The following PLPP5 variants were observed in gnomAD, a reference collection of about 807,000 sequenced individuals.
The protein encoded by PLPP5 is phospholipid phosphatase 5.
In PLPP5, 29 loss-of-function variants were observed where a neutral mutation model predicts 23.6. The observed-to-expected ratio is 1.23, with a 90% confidence interval of 0.92 to 1.68. The LOEUF (loss-of-function observed/expected upper bound fraction) is 1.68. Among genes scored for constraint, PLPP5 ranks in the 40% most tolerant of loss-of-function variants. PLPP5 has a pLI of 0.00. For synonymous variants in PLPP5, 143 were observed against 131.3 expected (o/e 1.09, Z -0.61); for missense variants, 315 against 332.1 (o/e 0.95, Z 0.40).
Position 38,266,267 on chromosome 8 carries a change from TC to T in PLPP5, c.507del (p.Lys170SerfsTer28), listed in dbSNP as rs1807568773. On this transcript the variant is annotated frameshift_variant, in exon 6 of 7. Coordinates refer to ENST00000424479, the MANE Select transcript of PLPP5 (RefSeq NM_001102559.2). LOFTEE classifies it high-confidence loss of function. Reference protein sequence around the residue: ...GLAFASFYLAGKLHCFTPQGR... With the variant: ...GLAFASFYLAXKLHCFTPQGR... ...CCTTGTGGTGTGAAGCAGTGTAACT[TC>T]CCTGCCAGGTAGAAGGACGCAAAGG... The T allele has an allele frequency of 1.2e-6, 2 of 1,613,590 alleles. No homozygotes were observed. The highest frequency in any genetic ancestry group is 2.2e-5 in the South Asian group (2 of 90,996).
At chr8:38,268,841 G>T (rs1149) in intron 2 of PLPP5, 41 bp downstream of exon 2, 3 of 1,493,194 alleles carry the variant, frequency 2.0e-6, no homozygotes, top group African/African-American at 1.4e-5. Context: ...GCGGGAAGCC[G>T]GGTCATGGGG....
Position 38,263,844 on chromosome 8 carries a change from A to G in PLPP5, c.*600T>C. 1 of 985,290 alleles carries G rather than the reference A, an allele frequency of 1.0e-6. No individual in the cohort carries two copies. The allele number at this position is 985,290 out of a possible 1,614,324, so 61.0% of individuals were successfully genotyped here. ...GTGACAAGATCCTTCTAAGAATGGC[A>G]TTTAAATTAAATGTAAAAACACTGT... On this transcript the variant is annotated 3_prime_UTR_variant, in exon 7 of 7. Transcript: ENST00000424479.
chr8:38,263,438 C>T lies in PLPP5; in HGVS notation c.*1006G>A. 2.0e-6 allele frequency: 2 copies of T among 985,386 alleles called. No homozygotes were observed. Among genetic ancestry groups the T allele is most frequent in the Non-Finnish European group, 2.4e-6 (2 of 829,878 alleles). 61.0% of individuals were successfully genotyped at this position (985,386 alleles called of 1,614,324 possible). A position where few individuals can be genotyped will look rare whatever the true frequency, so the allele number is the denominator to read the frequency against. On this transcript the variant is annotated 3_prime_UTR_variant, in exon 7 of 7. Transcript: ENST00000424479. Reference sequence around the variant, plus strand: ...TCATGAATGGAAGGAAAGAAGCTCACAAGTACAGTTATGGTCAAATGAGGT... The same window carrying T: ...TCATGAATGGAAGGAAAGAAGCTCATAAGTACAGTTATGGTCAAATGAGGT...
chr8:38,268,578 T>G, intron 2 of PLPP5, 117 bp from the exon 3 acceptor site: 2 of 1,464,122 alleles, frequency 1.4e-6, no homozygotes, highest in South Asian at 2.7e-5. Flanking sequence ...GGTCTCTGAG[T>G]GCGCGTAACC....
At position 38,267,970 on chromosome 8, in the gene PLPP5, AAAGCCAT is replaced by A; in HGVS notation, c.275-17_275-11del. 6.2e-6 allele frequency: 10 copies of A among 1,614,026 alleles called. No homozygotes were observed. Among genetic ancestry groups the A allele is most frequent in the Non-Finnish European group, 8.5e-6 (10 of 1,179,894 alleles). The stretch of plus-strand genomic sequence containing the variant: ...AGGGCAAGGCTGGCAGCTGCAAAGC[AAAGCCAT>A]TAGTTGAAAGGATCTGTCTAGGAGG... On this transcript the variant is annotated splice_polypyrimidine_tract_variant and intron_variant, in intron 3 of 6. Transcript: ENST00000424479.
chr8:38,264,300 CCTGGCTAATTTTTGT>C lies in PLPP5; in HGVS notation c.*129_*143del. ...GTAGCTGGGATTACGGCACACAACT[CCTGGCTAATTTTTGT>C]ATTTTTAGTAGAGACAGGGTTCACC... On this transcript the variant is annotated 3_prime_UTR_variant, in exon 7 of 7. Transcript: ENST00000424479. The C allele has an allele frequency of 1.3e-6, 1 of 775,670 alleles. No homozygotes were observed. The highest frequency in any genetic ancestry group is 2.8e-5 in the South Asian group (1 of 35,996). The allele number at this position is 775,670 out of a possible 1,614,324, so 48.0% of individuals were successfully genotyped here.
At chr8:38,269,049 T>G in intron 1 of PLPP5, 59 bp from the exon 2 acceptor site, 1 of 1,526,932 alleles carries the variant, frequency 6.5e-7, no homozygotes, top group Non-Finnish European at 8.8e-7. Flanking sequence ...GCTTCCCCAC[T>G]GCCCGACCCG....
At position 38,263,973 on chromosome 8, in the gene PLPP5, G is replaced by A. The variant is rs1311171250; in HGVS notation, c.*471C>T. On this transcript the variant is annotated 3_prime_UTR_variant, in exon 7 of 7. Coordinates refer to ENST00000424479, the MANE Select transcript of PLPP5 (RefSeq NM_001102559.2). Reference sequence around the variant, plus strand: ...TGGCATACAGTAGTGGAAAAGAACCGTAACTCCTCAAGATAGATGAGCAGG... The same window carrying A: ...TGGCATACAGTAGTGGAAAAGAACCATAACTCCTCAAGATAGATGAGCAGG... 10 of 985,480 alleles carry A rather than the reference G, an allele frequency of 1.0e-5. No homozygotes were observed. Among genetic ancestry groups the A allele is most frequent in the African/African-American group, 3.5e-5 (2 of 57,208 alleles). The allele number at this position is 985,480 out of a possible 1,614,324, so 61.0% of individuals were successfully genotyped here.
chr8:38,265,264 C>CAAAAAA (rs1228103198), intron 6 of PLPP5, among the ~76,000 whole-genome samples: 1 of 71,008 alleles, frequency 1.4e-5, no homozygotes, highest in Admixed American at 1.5e-4. Flanking sequence ...GACTCTGTCT[C>CAAAAAA]AAAAAAAAAA....
In PLPP5 at chr8:38,268,368, C is replaced by G. The variant is rs1427358879; in HGVS notation, c.274+3G>C. 1.3e-6 allele frequency: 2 copies of G among 1,564,002 alleles called. No homozygotes were observed. The highest frequency in any genetic ancestry group is 3.8e-5 in the Admixed American group (2 of 52,390). On this transcript the variant is annotated splice_donor_region_variant and intron_variant, in intron 3 of 6. Coordinates refer to ENST00000424479, the MANE Select transcript of PLPP5 (RefSeq NM_001102559.2). ...AAACCGGCCCGAAAGGGCTAGCGCT[C>G]ACCCAGGCAGGCTTGTCTGCTGTCT...
rs1488314230 is a variant in PLPP5 at position 38,263,324 on chromosome 8, T to TTCA, written c.*1117_*1119dup. 1 of 921,994 alleles carries TTCA rather than the reference T, an allele frequency of 1.1e-6. No individual in the cohort carries two copies. The highest frequency in any genetic ancestry group is 1.3e-6 in the Non-Finnish European group (1 of 772,126). 57.1% of individuals were successfully genotyped at this position (921,994 alleles called of 1,614,324 possible). ...ATTGTGAAGAAGGGGCAGAAAAAGA[T>TTCA]TCATCTGTCCTTCAGATGACGATAC... On this transcript the variant is annotated 3_prime_UTR_variant, in exon 7 of 7. Coordinates refer to ENST00000424479, the MANE Select transcript of PLPP5 (RefSeq NM_001102559.2).
intron 4 of PLPP5, 41 bp from the exon 5 acceptor site, chr8:38,267,432 C>A (rs1359822492): frequency 6.2e-7 from 1 of 1,600,108 alleles, no homozygotes; most frequent in Admixed American, 1.7e-5. Context: ...ATCATTAACT[C>A]CAGAAATTAT....
chr8:38,269,145 C>T lies in PLPP5; in HGVS notation c.55G>A (p.Ala19Thr). The T allele has an allele frequency of 2.0e-6, 3 of 1,517,092 alleles. No homozygotes were observed. The highest frequency in any genetic ancestry group is 1.8e-6 in the Non-Finnish European group (2 of 1,139,628). The allele number at this position is 1,517,092 out of a possible 1,614,324, so 94.0% of individuals were successfully genotyped here. The change falls in exon 1 of 7, where the codon GCG (alanine) becomes ACG (threonine). Residue 19 changes from alanine (A) to threonine (T), a missense_variant. Transcript: ENST00000424479. Reference sequence around the variant, plus strand: ...TCTTACAGGAAGGCCGCGAACAGCGCGAGCCGCACGCCCACTTCGGCCCCA... The same window carrying T: ...TCTTACAGGAAGGCCGCGAACAGCGTGAGCCGCACGCCCACTTCGGCCCCA... ...AFGAEVGVRL[A>T]LFAAFLVTEL... is the part of the protein sequence containing the mutation.
At position 38,268,461 on chromosome 8, in the gene PLPP5, C is replaced by T. The variant is rs758719287; in HGVS notation, c.184G>A (p.Val62Ile). ...GACAGTGGAGAGAGAAATGCAATAACCTGAATCAGAATGTCAGAGGTTAAA... is the reference window on the plus strand; with the variant it reads ...GACAGTGGAGAGAGAAATGCAATAATCTGAATCAGAATGTCAGAGGTTAAA... Reference protein sequence around the residue: ...AEYFPTKPMFVIAFLSPLSLI... With the variant: ...AEYFPTKPMFIIAFLSPLSLI... Residue 62 changes from valine to isoleucine, a missense_variant and splice_region_variant, in exon 3 of 7, where the codon GTT (valine) becomes ATT (isoleucine). By Grantham distance (29) the Val-to-Ile change is conservative (BLOSUM62 3). Coordinates refer to ENST00000424479, the MANE Select transcript of PLPP5 (RefSeq NM_001102559.2). The T allele has an allele frequency of 3.2e-6, 5 of 1,568,472 alleles. No individual in the cohort carries two copies. Among genetic ancestry groups the T allele is most frequent in the Non-Finnish European group, 4.3e-6 (5 of 1,156,312 alleles).
At chr8:38,268,698 G>T (rs1023748420) in intron 2 of PLPP5, 184 bp downstream of exon 2, 1 of 1,431,786 alleles carries the variant, frequency 7.0e-7, no homozygotes, top group African/African-American at 1.4e-5. Flanking sequence ...GCCCAAAGAG[G>T]CTCGGACACC....
In PLPP5 at chr8:38,263,761, A is replaced by C. The variant is rs748503940; in HGVS notation, c.*683T>G. On this transcript the variant is annotated 3_prime_UTR_variant, in exon 7 of 7. Transcript: ENST00000424479. ...TTTGAGCTATATGAAATGGAAATTA[A>C]GTTTTGATAATGAACTCTAGCTTCT... 29 of 985,426 alleles carry C rather than the reference A, an allele frequency of 2.9e-5. No individual in the cohort carries two copies. Among genetic ancestry groups the C allele is most frequent in the Middle Eastern group, 5.2e-4 (1 of 1,914 alleles). The allele number at this position is 985,426 out of a possible 1,614,324, so 61.0% of individuals were successfully genotyped here.
At chr8:38,264,675 G>A in intron 6 of PLPP5, 71 bp from the exon 7 acceptor site, 1 of 1,466,992 alleles carries the variant, frequency 6.8e-7, no homozygotes, top group Non-Finnish European at 9.1e-7. Flanking sequence ...ACATAGCATA[G>A]AGGACCTGGC....
Position 38,264,065 on chromosome 8 carries a change from AG to A in PLPP5, c.*378del, listed in dbSNP as rs1187040465. On this transcript the variant is annotated 3_prime_UTR_variant, in exon 7 of 7. Coordinates refer to ENST00000424479, the MANE Select transcript of PLPP5 (RefSeq NM_001102559.2). ...CTTATGTCCTCACTTGCACCTTGGA[AG>A]GGGAAAAAAAGGCTAGAATTTCTTG... 1.0e-6 allele frequency: 1 copy of A among 989,930 alleles called. No individual in the cohort carries two copies. The highest frequency in any genetic ancestry group is 1.2e-6 in the Non-Finnish European group (1 of 833,046). The allele number at this position is 989,930 out of a possible 1,614,324, so 61.3% of individuals were successfully genotyped here. A position where few individuals can be genotyped will look rare whatever the true frequency, so the allele number is the denominator to read the frequency against.
At chr8:38,268,100 A>C (rs1188323092) in intron 3 of PLPP5, 140 bp from the exon 4 acceptor site, 6 of 1,483,240 alleles carry the variant, frequency 4.0e-6, no homozygotes, top group Non-Finnish European at 5.4e-6. Flanking sequence ...TAGGGTCCTC[A>C]GTGATCACTC....
Sources: allele counts gnomAD v4.1 joint callset (sites outside exome capture counted in the v4.1 genomes callset), GRCh38; gene constraint gnomAD v4.1.1; transcripts MANE v1.5; gene names NCBI Gene and HGNC (gene_info 2026-07-23, HGNC 2026-07-21).